Variants in STXBP6 observed in about 807,000 individuals in gnomAD.
STXBP6 encodes syntaxin binding protein 6, also known as syntaxin-binding protein 6.
A neutral mutation model predicts 26.9 loss-of-function variants in STXBP6; 21 were observed. The ratio of observed to expected loss-of-function variants is 0.78; its 90% CI spans 0.55 to 1.12. STXBP6 has a LOEUF of 1.12. Among genes scored for constraint, STXBP6 ranks in the 50% most tolerant of loss-of-function variants. The pLI is 0.00. For missense variants in STXBP6, 232 were observed against 257.9 expected (o/e 0.90, Z 0.69); for synonymous variants, 97 against 92.6 (o/e 1.05, Z -0.27).
chr14:24,839,271 TGGAATTCCTTTC>T, intron 4 of STXBP6, among the ~76,000 whole-genome samples: 1 of 152,176 alleles, frequency 6.6e-6, no homozygotes, highest in East Asian at 1.9e-4. Context: ...GAGAAAGGAA[TGGAATTCCTTTC>T]TCTTTTGTGG....
intron 2 of STXBP6, among the ~76,000 whole-genome samples, chr14:24,871,888 C>A (rs1474431851): frequency 1.3e-5 from 2 of 152,166 alleles, no homozygotes; most frequent in African/African-American, 4.8e-5. Flanking sequence ...TGTGTGAGGA[C>A]ACAAAGGCAA....
In STXBP6 at chr14:24,819,281, G is replaced by A. The variant is rs1329316257; in HGVS notation, c.452-87C>T. The A allele has an allele frequency of 2.6e-6, 4 of 1,515,314 alleles. No individual in the cohort carries two copies. The East Asian group carries it at 9.0e-5, about 34-fold the overall frequency. 93.9% of individuals were successfully genotyped at this position (1,515,314 alleles called of 1,614,324 possible). A position where few individuals can be genotyped will look rare whatever the true frequency, so the allele number is the denominator to read the frequency against. On this transcript the variant is annotated intron_variant, in intron 4 of 5. Transcript: ENST00000323944. ...CGGCAGGGTGAGTATCCTGTAAGAG[G>A]AAGGCAGGTCACACTGCAGAAAGGC...
rs976328534 is a variant in STXBP6, at chr14:24,950,968, T to C, written c.154+23697A>G. Among the ~76,000 whole-genome samples, 9 of 151,802 alleles carry C rather than the reference T, an allele frequency of 5.9e-5. 2 individuals are homozygous for C. Among genetic ancestry groups the C allele is most frequent in the Middle Eastern group, 3.2e-3 (1 of 316 alleles). ...ATGTGTTCTCACTGTTCAACTCCCA[T>C]TTATGAGTGAGAGCATGCGGTTTTG... On this transcript the variant is annotated intron_variant, in intron 2 of 5. Coordinates refer to ENST00000323944, the MANE Select transcript of STXBP6 (RefSeq NM_001394410.1).
rs562044449 is a variant in STXBP6, at chr14:24,972,562, T to C, written c.154+2103A>G. On this transcript the variant is annotated intron_variant, in intron 2 of 5. Transcript: ENST00000323944. ...AAATGTCAATGAAATATTGAGAAAA[T>C]AGAGCTTAACAAAATTAGAATCACT... Among the ~76,000 whole-genome samples, 11 of 152,308 alleles carry C rather than the reference T, an allele frequency of 7.2e-5. No homozygotes were observed. In the South Asian group the frequency reaches 2.1e-3, roughly 29 times the overall value.
At chr14:24,954,006 C>A (rs545356086) in intron 2 of STXBP6, among the ~76,000 whole-genome samples, 24 of 152,190 alleles carry the variant, frequency 1.6e-4, no homozygotes, top group African/African-American at 5.1e-4. Flanking sequence ...CAAAGGCTGC[C>A]AATTCAGAAG....
intron 1 of STXBP6, among the ~76,000 whole-genome samples, chr14:25,032,067 G>A (rs1327105861): frequency 1.3e-5 from 2 of 152,118 alleles, no homozygotes; most frequent in African/African-American, 4.8e-5. Flanking sequence ...TGAAGTGACA[G>A]AGATGGAAAA....
At chr14:24,928,599 C>A (rs2072268481) in intron 2 of STXBP6, among the ~76,000 whole-genome samples, 1 of 152,174 alleles carries the variant, frequency 6.6e-6, no homozygotes, top group Non-Finnish European at 1.5e-5. Context: ...TCTTTAGCAA[C>A]TGCTTCAGAT....
At chr14:24,959,384 T>C (rs2073451175) in intron 2 of STXBP6, among the ~76,000 whole-genome samples, 1 of 152,140 alleles carries the variant, frequency 6.6e-6, no homozygotes, top group African/African-American at 2.4e-5. Flanking sequence ...ACAGGTCACC[T>C]GAGTGAGGAG....
At chr14:24,975,049 AG>A (rs1331218705) in intron 1 of STXBP6, among the ~76,000 whole-genome samples, 199 bp from the exon 2 acceptor site, 4 of 152,232 alleles carry the variant, frequency 2.6e-5, no homozygotes, top group Non-Finnish European at 5.9e-5. Flanking sequence ...AAAGACAAAA[AG>A]GGGGTACTTA....
intron 4 of STXBP6, among the ~76,000 whole-genome samples, chr14:24,851,464 A>G (rs2069153295): frequency 1.5e-5 from 2 of 134,734 alleles, no homozygotes; most frequent in Non-Finnish European, 3.0e-5. Flanking sequence ...TTCAATTCCC[A>G]CCTATGAGTG....
chr14:24,892,707 C>T (rs982111411), intron 2 of STXBP6, among the ~76,000 whole-genome samples: 1 of 152,158 alleles, frequency 6.6e-6, no homozygotes, highest in African/African-American at 2.4e-5. Context: ...AGTTGCAATC[C>T]TCCGGGCCAT....
Position 24,857,028 on chromosome 14 carries a change from C to A in STXBP6, c.284G>T (p.Gly95Val). 1 of 1,612,500 alleles carries A rather than the reference C, an allele frequency of 6.2e-7. No individual in the cohort carries two copies. Among genetic ancestry groups the A allele is most frequent in the South Asian group, 1.1e-5 (1 of 91,008 alleles). ...LRQVNGIDPN[G>V]DSAEFDLLFE... ...CTCAGCATTGGACAATTCACTCACC[C>A]CATTAGGATCGATACCATTAACCTG... The change falls in exon 3 of 6, where the codon GGG becomes GTG. Residue 95 changes from glycine to valine, a missense_variant and splice_region_variant. Coordinates refer to ENST00000323944, the MANE Select transcript of STXBP6 (RefSeq NM_001394410.1).
intron 5 of STXBP6, among the ~76,000 whole-genome samples, chr14:24,813,469 C>T (rs1342363338): frequency 6.6e-6 from 1 of 152,106 alleles, no homozygotes; most frequent in African/African-American, 2.4e-5. Flanking sequence ...TTTTCTTAGC[C>T]AGATCTTTTC....
chr14:24,861,306 T>TA (rs1033576213), intron 2 of STXBP6, among the ~76,000 whole-genome samples: 75 of 151,544 alleles, frequency 4.9e-4, no homozygotes, highest in African/African-American at 1.7e-3. Context: ...AAGCTGGAGG[T>TA]AAAAAAAAGA....
chr14:24,931,010 CTGAGG>C (rs2072369237), intron 2 of STXBP6, among the ~76,000 whole-genome samples: 1 of 139,086 alleles, frequency 7.2e-6, no homozygotes, highest in Admixed American at 7.4e-5. Context: ...ACTTGGGAGG[CTGAGG>C]CAGGAGAATG....
At chr14:25,006,166 C>G (rs529123125) in intron 1 of STXBP6, among the ~76,000 whole-genome samples, 1 of 152,208 alleles carries the variant, frequency 6.6e-6, no homozygotes, top group Non-Finnish European at 1.5e-5. Flanking sequence ...CTCTTCCTCA[C>G]GCTGAACTAG....
intron 4 of STXBP6, among the ~76,000 whole-genome samples, chr14:24,838,817 T>C (rs1425468760): frequency 1.3e-5 from 2 of 152,192 alleles, no homozygotes; most frequent in Non-Finnish European, 2.9e-5. Flanking sequence ...CATAAACAGC[T>C]ACATTCATAG....
intron 2 of STXBP6, among the ~76,000 whole-genome samples, chr14:24,933,483 G>C (rs1415722904): frequency 6.6e-6 from 1 of 152,072 alleles, no homozygotes; most frequent in Non-Finnish European, 1.5e-5. Context: ...CAGAAGAAAT[G>C]GTCAGTACAG....
intron 2 of STXBP6, among the ~76,000 whole-genome samples, chr14:24,868,330 A>C (rs2069797949): frequency 6.6e-6 from 1 of 152,210 alleles, no homozygotes; most frequent in Non-Finnish European, 1.5e-5. Context: ...ATGGAAAATA[A>C]GCACATAAAA....
Sources: allele counts gnomAD v4.1 joint callset (sites outside exome capture counted in the v4.1 genomes callset), GRCh38; gene constraint gnomAD v4.1.1; transcripts MANE v1.5; gene names NCBI Gene and HGNC (gene_info 2026-07-23, HGNC 2026-07-21).